Variants in WDPCP observed in about 807,000 individuals in gnomAD.
WDPCP encodes WD repeat-containing and planar cell polarity effector protein fritz homolog.
Under a neutral mutation model 93.1 loss-of-function variants are expected in WDPCP, and 71 were observed. The observed-to-expected ratio is 0.76, with a 90% confidence interval of 0.63 to 0.93. The LOEUF is 0.93. WDPCP is among the 40% of genes least tolerant of loss of function. The probability of loss-of-function intolerance (pLI) is 0.00; values close to 1 mark genes in which losing one functional copy is unlikely to be tolerated. For synonymous variants in WDPCP, 315 were observed against 315.0 expected, an observed-to-expected ratio of 1.00 and a Z score of 0.00; for missense variants, 844 against 887.4, an observed-to-expected ratio of 0.95 and a Z score of 0.62.
chr2:63,718,474 G>A (rs369315130), intron 2 of WDPCP, among the ~76,000 whole-genome samples: 1 of 152,068 alleles, frequency 6.6e-6, no homozygotes, highest in African/African-American at 2.4e-5. Context: ...ATGGTATCTC[G>A]TGGTGTTAAT....
intron 1 of WDPCP, among the ~76,000 whole-genome samples, chr2:63,493,681 A>C (rs1701033991): frequency 6.6e-6 from 1 of 151,688 alleles, no homozygotes; most frequent in African/African-American, 2.4e-5. Context: ...ACTGATTGGG[A>C]GAAGGCTAGT....
chr2:63,749,097 A>C (rs948284746), intron 2 of WDPCP, among the ~76,000 whole-genome samples: 1 of 152,082 alleles, frequency 6.6e-6, no homozygotes, highest in Non-Finnish European at 1.5e-5. Context: ...TTTAGACCTC[A>C]GGGACAAGAA....
chr2:63,146,182 T>G (rs1329761233), intron 17 of WDPCP, among the ~76,000 whole-genome samples: 3 of 152,218 alleles, frequency 2.0e-5, no homozygotes, highest in Non-Finnish European at 4.4e-5. Flanking sequence ...CTCTTCCTAT[T>G]TGGATGCCCT....
intron 15 of WDPCP, among the ~76,000 whole-genome samples, chr2:63,165,683 A>T (rs1280064206): frequency 6.7e-6 from 1 of 150,188 alleles, no homozygotes; most frequent in African/African-American, 2.5e-5. Flanking sequence ...GGCAATCTGT[A>T]TTTATCTAGT....
chr2:63,140,847 A>G (rs142039556), intron 17 of WDPCP, among the ~76,000 whole-genome samples: 34 of 152,232 alleles, frequency 2.2e-4, no homozygotes, highest in Non-Finnish European at 4.0e-4. Flanking sequence ...TTCCAGTACT[A>G]TGTTGAACAG....
chr2:63,436,983 T>C (rs1159192967), intron 8 of WDPCP, among the ~76,000 whole-genome samples: 1 of 152,060 alleles, frequency 6.6e-6, no homozygotes, highest in Non-Finnish European at 1.5e-5. Context: ...CCTTGTTTAT[T>C]ACACTTTTCT....
intron 1 of WDPCP, among the ~76,000 whole-genome samples, chr2:63,816,729 G>C (rs564370556): frequency 6.6e-6 from 1 of 152,258 alleles, no homozygotes; most frequent in Non-Finnish European, 1.5e-5. Context: ...GGCAGCCCTA[G>C]GAAACTAATA....
intron 2 of WDPCP, among the ~76,000 whole-genome samples, chr2:63,790,378 A>G (rs1188190232): frequency 6.7e-5 from 10 of 148,526 alleles, no homozygotes; most frequent in Non-Finnish European, 1.5e-4. Flanking sequence ...CAAACCAATA[A>G]CAGAGTCAGT....
intron 2 of WDPCP, among the ~76,000 whole-genome samples, chr2:63,703,576 GTTTT>G (rs1304114288): frequency 1.3e-5 from 2 of 149,732 alleles, no homozygotes; most frequent in African/African-American, 2.4e-5. Flanking sequence ...GTTTTGTTTT[GTTTT>G]GTTTTGTTTT....
chr2:63,751,157 GT>G (rs1348587104), intron 2 of WDPCP, among the ~76,000 whole-genome samples: 6 of 152,076 alleles, frequency 3.9e-5, no homozygotes, highest in Non-Finnish European at 4.4e-5. Context: ...GACTATTAAT[GT>G]TTTTGTTTAA....
chr2:63,637,110 T>C (rs1313433089), intron 3 of WDPCP, among the ~76,000 whole-genome samples: 1 of 152,012 alleles, frequency 6.6e-6, no homozygotes, highest in East Asian at 1.9e-4. Flanking sequence ...TCCCAGAACT[T>C]TGGTAGGCCA....
At chr2:63,608,251 T>C (rs2106633466) in intron 3 of WDPCP, among the ~76,000 whole-genome samples, 1 of 152,308 alleles carries the variant, frequency 6.6e-6, no homozygotes, top group East Asian at 1.9e-4. Flanking sequence ...AAGGAATCAT[T>C]TATATTTCAA....
intron 6 of WDPCP, among the ~76,000 whole-genome samples, chr2:63,467,919 A>T (rs1214833969): frequency 4.6e-5 from 7 of 152,168 alleles, no homozygotes; most frequent in Non-Finnish European, 8.8e-5. Flanking sequence ...TTTAATGTAA[A>T]TCTTTGTGAG....
intron 12 of WDPCP, among the ~76,000 whole-genome samples, chr2:63,321,824 T>G (rs1450519183): frequency 2.6e-5 from 4 of 152,216 alleles, no homozygotes; most frequent in African/African-American, 9.6e-5. Flanking sequence ...AATGTTTACA[T>G]TTTTATAAAC....
At chr2:63,662,810 C>A (rs262511) in intron 2 of WDPCP, among the ~76,000 whole-genome samples, 120,145 of 152,172 alleles carry the variant, frequency 0.79, 47,931 homozygotes, top group East Asian at 0.98. Context: ...CATTCTTTAA[C>A]CGAGTTTGCC....
At chr2:63,242,530 G>A (rs1439349955) in intron 14 of WDPCP, among the ~76,000 whole-genome samples, 2 of 152,170 alleles carry the variant, frequency 1.3e-5, no homozygotes, top group African/African-American at 4.8e-5. Context: ...GCTGAGGCAG[G>A]AGGATTGCTT....
chr2:63,186,587 G>A (rs1238774525), intron 14 of WDPCP, among the ~76,000 whole-genome samples: 2 of 152,254 alleles, frequency 1.3e-5, no homozygotes, highest in African/African-American at 2.4e-5. Context: ...AAGGGCCGAG[G>A]TAGTTTCCCA....
chr2:63,333,677 C>A (rs1688144854), intron 12 of WDPCP, among the ~76,000 whole-genome samples: 1 of 152,180 alleles, frequency 6.6e-6, no homozygotes, highest in African/African-American at 2.4e-5. Flanking sequence ...AGTTGTCCTG[C>A]CTTTCTGAAC....
chr2:63,625,190 G>A (rs1171488743), intron 3 of WDPCP, among the ~76,000 whole-genome samples: 1 of 152,060 alleles, frequency 6.6e-6, no homozygotes, highest in African/African-American at 2.4e-5. Flanking sequence ...AAAATAATAA[G>A]AGCTATTTAT....
Sources: gnomAD v4.1 joint callset for allele counts (sites outside exome capture counted in the v4.1 genomes callset) on GRCh38, gnomAD v4.1.1 for gene constraint, MANE v1.5 for transcripts, NCBI Gene and HGNC (gene_info 2026-07-23, HGNC 2026-07-21) for gene names.